Variants in TCF7L1 observed in about 807,000 individuals in gnomAD.
TCF7L1 encodes transcription factor 7-like 1.
A neutral mutation model predicts 63.7 loss-of-function variants in TCF7L1; 18 were observed. The observed-to-expected ratio is 0.28, with a 90% confidence interval of 0.20 to 0.42. TCF7L1 has a LOEUF of 0.42. Among genes scored for constraint, TCF7L1 ranks in the 10% least tolerant of loss-of-function variants. The probability of loss-of-function intolerance (pLI) is 1.00; values close to 1 mark genes in which losing one functional copy is unlikely to be tolerated. For synonymous variants in TCF7L1, 355 were observed against 340.9 expected (o/e 1.04, Z -0.46); for missense variants, 654 against 779.3 (o/e 0.84, Z 1.91).
At chr2:85,288,082 T>C (rs1681605663) in intron 4 of TCF7L1, among the ~76,000 whole-genome samples, 1 of 152,072 alleles carries the variant, frequency 6.6e-6, no homozygotes, top group African/African-American at 2.4e-5. Flanking sequence ...CCACCACCAC[T>C]ACCGCTACCT....
intron 3 of TCF7L1, among the ~76,000 whole-genome samples, chr2:85,167,633 G>A (rs1048483910): frequency 2.0e-5 from 3 of 152,140 alleles, no homozygotes; most frequent in Non-Finnish European, 4.4e-5. Context: ...GGAGGTTGAG[G>A]CAGGAAGATC....
At chr2:85,278,148 C>T (rs1681320886) in intron 3 of TCF7L1, among the ~76,000 whole-genome samples, 1 of 152,186 alleles carries the variant, frequency 6.6e-6, no homozygotes, top group South Asian at 2.1e-4. Flanking sequence ...CGCCTTCCTG[C>T]AGGAAAGGGG....
Position 85,309,076 on chromosome 2 carries a change from C to G in TCF7L1, c.1381C>G (p.Pro461Ala), listed in dbSNP as rs1388088432. Reference protein sequence around the residue: ...SKKPCVQYLPPEKPCDSPASS... With the variant: ...SKKPCVQYLPAEKPCDSPASS... ...GAAGCCATGTGTTCAGTACCTGCCC[C>G]CCGAGAAGCCCTGTGACAGCCCTGC... Residue 461 changes from proline (P) to alanine (A), a missense_variant, in exon 12 of 12, where the codon CCC becomes GCC. Pro to Ala is a conservative substitution (Grantham distance 27, BLOSUM62 -1). Coordinates refer to ENST00000282111, the MANE Select transcript of TCF7L1 (RefSeq NM_031283.3). 9 of 1,612,848 alleles carry G rather than the reference C, an allele frequency of 5.6e-6. No homozygotes were observed. The African/African-American group carries it at 1.1e-4, about 19-fold the overall frequency.
intron 3 of TCF7L1, among the ~76,000 whole-genome samples, chr2:85,233,342 A>T (rs1573002280): frequency 1.4e-5 from 2 of 140,082 alleles, no homozygotes; most frequent in African/African-American, 2.7e-5. Flanking sequence ...TTTTAGATGG[A>T]GTCTCGCTCT....
chr2:85,164,926 G>C (rs890607449), intron 3 of TCF7L1, among the ~76,000 whole-genome samples: 4 of 152,106 alleles, frequency 2.6e-5, no homozygotes, highest in African/African-American at 9.7e-5. Context: ...TTCGCTGCTA[G>C]GTCTTATTTA....
intron 3 of TCF7L1, among the ~76,000 whole-genome samples, chr2:85,211,674 C>T (rs1326952829): frequency 1.3e-5 from 2 of 152,234 alleles, no homozygotes; most frequent in African/African-American, 2.4e-5. Context: ...GGAGACCCCA[C>T]ATGGCAGTGC....
rs1372649120 is a variant in TCF7L1 at position 85,292,299 on chromosome 2, C to A, written c.525+8721C>A. On this transcript the variant is annotated intron_variant, in intron 4 of 11. Transcript: ENST00000282111. The stretch of plus-strand genomic sequence containing the variant: ...CCTCCCAAAGTGCTGGGATTACAGG[C>A]GTGAGCCACCGCGCCCGGCCGGTCA... 1.7e-4 allele frequency among the ~76,000 whole-genome samples: 2 copies of A among 11,880 alleles called. 1 individual carries two copies. Among genetic ancestry groups the A allele is most frequent in the Non-Finnish European group, 2.2e-4 (2 of 9,056 alleles). The allele number at this position is 11,880 out of a possible 152,430, so 7.8% of individuals were successfully genotyped here.
chr2:85,233,550 G>A (rs1680128528), intron 3 of TCF7L1, among the ~76,000 whole-genome samples: 1 of 151,998 alleles, frequency 6.6e-6, no homozygotes, highest in African/African-American at 2.4e-5. Context: ...TCCTGACCTC[G>A]TGATCTGCCC....
rs1186714945 is a variant in TCF7L1 at position 85,307,659 on chromosome 2, G to A, written c.1275G>A (p.Arg425=). 1 of 1,613,778 alleles carries A rather than the reference G, an allele frequency of 6.2e-7. No homozygotes were observed. The highest frequency in any genetic ancestry group is 2.2e-5 in the East Asian group (1 of 44,882). The change falls in exon 11 of 12, where the codon AGG becomes AGA. Residue 425 remains arginine (R), a synonymous_variant. Coordinates refer to ENST00000282111, the MANE Select transcript of TCF7L1 (RefSeq NM_031283.3). ...ARDNYGKKKK[R]KREKQLSQTQ... Reference sequence around the variant, plus strand: ...TTTTCCAGGGTAAGAAAAAGAAGAGGAAGAGAGAAAAGCAGCTGTCCCAGA... The same window carrying A: ...TTTTCCAGGGTAAGAAAAAGAAGAGAAAGAGAGAAAAGCAGCTGTCCCAGA...
intron 3 of TCF7L1, among the ~76,000 whole-genome samples, chr2:85,281,707 C>T (rs1306793949): frequency 6.6e-6 from 1 of 152,150 alleles, no homozygotes. Context: ...GCTTCGTTCC[C>T]ACTTCCCACC....
At chr2:85,246,824 A>G (rs949714963) in intron 3 of TCF7L1, among the ~76,000 whole-genome samples, 2 of 152,170 alleles carry the variant, frequency 1.3e-5, no homozygotes, top group African/African-American at 4.8e-5. Flanking sequence ...ATGTACCCCC[A>G]TGATGGTTTT....
chr2:85,214,626 C>G (rs1043292737), intron 3 of TCF7L1, among the ~76,000 whole-genome samples: 1 of 152,152 alleles, frequency 6.6e-6, no homozygotes, highest in Non-Finnish European at 1.5e-5. Flanking sequence ...ATGCAAGAAC[C>G]TCTAGAATGG....
chr2:85,243,659 C>G (rs72934630), intron 3 of TCF7L1, among the ~76,000 whole-genome samples: 1,624 of 152,232 alleles, frequency 0.011, 35 homozygotes, highest in African/African-American at 0.037. Flanking sequence ...GCTTCCTGGC[C>G]AGAGGCAGCC....
At chr2:85,254,476 T>C (rs1179462727) in intron 3 of TCF7L1, among the ~76,000 whole-genome samples, 2 of 152,248 alleles carry the variant, frequency 1.3e-5, no homozygotes, top group Admixed American at 6.5e-5. Context: ...TTCATAGCCA[T>C]TTAGATATTC....
intron 3 of TCF7L1, among the ~76,000 whole-genome samples, chr2:85,252,836 C>T (rs1051637211): frequency 3.3e-5 from 5 of 152,198 alleles, no homozygotes; most frequent in South Asian, 2.1e-4. Flanking sequence ...GAGCCCAGAA[C>T]GGCAGGCTGC....
chr2:85,202,125 G>C lies in TCF7L1; in HGVS notation c.441+67675G>C, dbSNP rs542051769. 1.8e-4 allele frequency among the ~76,000 whole-genome samples: 28 copies of C among 152,092 alleles called. 1 individual carries two copies. The South Asian group carries it at 4.4e-3, about 24-fold the overall frequency. On this transcript the variant is annotated intron_variant, in intron 3 of 11. Coordinates refer to ENST00000282111, the MANE Select transcript of TCF7L1 (RefSeq NM_031283.3). Reference sequence around the variant, plus strand: ...CTACAGGCACATGTCACCATGCCCAGTTAATGTTTTGTATTTTTAGTAGAG... The same window carrying C: ...CTACAGGCACATGTCACCATGCCCACTTAATGTTTTGTATTTTTAGTAGAG...
At position 85,133,889 on chromosome 2, in the gene TCF7L1, C is replaced by G; in HGVS notation, c.205C>G (p.Leu69Val). 6.6e-7 allele frequency: 1 copy of G among 1,521,618 alleles called. No homozygotes were observed. Among genetic ancestry groups the G allele is most frequent in the Non-Finnish European group, 8.8e-7 (1 of 1,131,764 alleles). 94.3% of individuals were successfully genotyped at this position (1,521,618 alleles called of 1,614,324 possible). ...GGACCTAGACGAGGTCAAGTCGTCCCTGGTCAACGAGTCGGAGAACCAGAG... is the reference window on the plus strand; with the variant it reads ...GGACCTAGACGAGGTCAAGTCGTCCGTGGTCAACGAGTCGGAGAACCAGAG... ...QRDLDEVKSS[L>V]VNESENQSSS... Residue 69 changes from leucine to valine, a missense_variant, in exon 1 of 12, where the codon CTG (leucine) becomes GTG (valine). Around this residue, in one of 3 missense-constraint regions of TCF7L1, gnomAD observed 404 missense variants for 454.8 expected, o/e 0.89. Coordinates refer to ENST00000282111, the MANE Select transcript of TCF7L1 (RefSeq NM_031283.3). The surrounding 1 kb of genome is among the most constrained non-coding windows in gnomAD (Gnocchi z 4.4).
chr2:85,255,594 G>T (rs116373887), intron 3 of TCF7L1, among the ~76,000 whole-genome samples: 1 of 152,334 alleles, frequency 6.6e-6, no homozygotes, highest in Non-Finnish European at 1.5e-5. Flanking sequence ...GGAGAAAGGA[G>T]AAGCCTAAAC....
chr2:85,238,495 G>A (rs1276476099), intron 3 of TCF7L1, among the ~76,000 whole-genome samples: 12 of 152,214 alleles, frequency 7.9e-5, no homozygotes, highest in Non-Finnish European at 1.5e-5. Flanking sequence ...ATCCCGCACA[G>A]CCGGGGCCGT....
Sources: allele counts gnomAD v4.1 joint callset (sites outside exome capture counted in the v4.1 genomes callset), GRCh38; gene constraint gnomAD v4.1.1; regional missense constraint gnomAD v4.1.1; non-coding constraint Gnocchi (gnomAD v3.1); transcripts MANE v1.5; gene names NCBI Gene and HGNC (gene_info 2026-07-23, HGNC 2026-07-21).